Variants in HS6ST3 observed in about 807,000 individuals in gnomAD.
HS6ST3 encodes heparan-sulfate 6-O-sulfotransferase 3.
Under a neutral mutation model 36.7 loss-of-function variants are expected in HS6ST3, and 12 were observed. The ratio of observed to expected loss-of-function variants is 0.33; its 90% CI spans 0.21 to 0.53. The LOEUF (loss-of-function observed/expected upper bound fraction) is 0.53. Among genes scored for constraint, HS6ST3 ranks in the 20% least tolerant of loss-of-function variants. HS6ST3 has a pLI of 0.95. For missense variants in HS6ST3, 584 were observed against 640.9 expected, an observed-to-expected ratio of 0.91 and a Z score of 0.96; for synonymous variants, 240 against 257.5, an observed-to-expected ratio of 0.93 and a Z score of 0.65.
Position 96,170,786 on chromosome 13 carries a change from A to G in HS6ST3, c.707+79217A>G, listed in dbSNP as rs146064264. 9.2e-4 allele frequency among the ~76,000 whole-genome samples: 140 copies of G among 152,366 alleles called. 1 individual carries two copies. Among genetic ancestry groups the G allele is most frequent in the African/African-American group, 3.2e-3 (135 of 41,580 alleles). ...AAATGCTATTGGGTTGTGAAAGCTCAAAAACCAAAATGAAAAATTGGACAA... is the reference window on the plus strand; with the variant it reads ...AAATGCTATTGGGTTGTGAAAGCTCGAAAACCAAAATGAAAAATTGGACAA... On this transcript the variant is annotated intron_variant, in intron 1 of 1. Transcript: ENST00000376705.
At chr13:96,459,877 A>G (rs1256759225) in intron 1 of HS6ST3, among the ~76,000 whole-genome samples, 1 of 152,204 alleles carries the variant, frequency 6.6e-6, no homozygotes, top group East Asian at 1.9e-4. Flanking sequence ...ATATTTGTAG[A>G]CCACCATTTA....
At chr13:96,193,742 TA>T (rs1242458205) in intron 1 of HS6ST3, among the ~76,000 whole-genome samples, 1 of 152,212 alleles carries the variant, frequency 6.6e-6, no homozygotes, top group African/African-American at 2.4e-5. Flanking sequence ...GCTTTGATAA[TA>T]TTTGAATGTA....
chr13:96,585,374 G>A (rs887360232), intron 1 of HS6ST3, among the ~76,000 whole-genome samples: 4 of 152,024 alleles, frequency 2.6e-5, no homozygotes, highest in African/African-American at 9.7e-5. Flanking sequence ...AAAATTATAT[G>A]CATTTACTGA....
At chr13:96,286,865 T>C (rs2054806092) in intron 1 of HS6ST3, among the ~76,000 whole-genome samples, 1 of 152,118 alleles carries the variant, frequency 6.6e-6, no homozygotes, top group African/African-American at 2.4e-5. Context: ...AAGGTATAAT[T>C]AATAATTATG....
intron 1 of HS6ST3, among the ~76,000 whole-genome samples, chr13:96,170,255 G>A (rs2054181385): frequency 6.6e-6 from 1 of 152,206 alleles, no homozygotes; most frequent in African/African-American, 2.4e-5. Flanking sequence ...CACCAGGTGG[G>A]GAAGGTATTG....
intron 1 of HS6ST3, among the ~76,000 whole-genome samples, chr13:96,674,471 G>C (rs1239928777): frequency 6.6e-6 from 1 of 152,030 alleles, no homozygotes; most frequent in Non-Finnish European, 1.5e-5. Flanking sequence ...TTCTCAGAGA[G>C]GATTTAATCC....
intron 1 of HS6ST3, among the ~76,000 whole-genome samples, chr13:96,816,597 C>T (rs563027525): frequency 1.3e-5 from 2 of 152,298 alleles, no homozygotes; most frequent in South Asian, 2.1e-4. Flanking sequence ...GAGGGACAAT[C>T]GTGCTGCCCT....
chr13:96,601,724 C>T (rs180784295), intron 1 of HS6ST3, among the ~76,000 whole-genome samples: 1 of 152,090 alleles, frequency 6.6e-6, no homozygotes, highest in East Asian at 1.9e-4. Context: ...GGTTACTTCT[C>T]ATTTTGGTAG....
chr13:96,156,576 G>A (rs892764353), intron 1 of HS6ST3, among the ~76,000 whole-genome samples: 1 of 152,214 alleles, frequency 6.6e-6, no homozygotes, highest in Non-Finnish European at 1.5e-5. Context: ...ACTTAGGGCA[G>A]TGTCGGCCAC....
chr13:96,732,530 C>A (rs1440346020), intron 1 of HS6ST3, among the ~76,000 whole-genome samples: 1 of 151,904 alleles, frequency 6.6e-6, no homozygotes, highest in Admixed American at 6.6e-5. Flanking sequence ...ATGACAGTAC[C>A]ACCCTGTTTG....
At chr13:96,802,137 G>A (rs1317530517) in intron 1 of HS6ST3, among the ~76,000 whole-genome samples, 1 of 152,100 alleles carries the variant, frequency 6.6e-6, no homozygotes, top group Non-Finnish European at 1.5e-5. Flanking sequence ...AACATTCTCT[G>A]ACATCTCATT....
In HS6ST3 at chr13:96,625,912, C is replaced by A. The variant is rs548570365; in HGVS notation, c.708-206578C>A. Among the ~76,000 whole-genome samples, 98 of 151,852 alleles carry A rather than the reference C, an allele frequency of 6.5e-4. No homozygotes were observed. In the Middle Eastern group the frequency reaches 0.024, roughly 37 times the overall value. On this transcript the variant is annotated intron_variant, in intron 1 of 1. Coordinates refer to ENST00000376705, the MANE Select transcript of HS6ST3 (RefSeq NM_153456.4). ...CTGGAATCCAGTGGCGCGATCTCGG[C>A]TCACTGCAAGCTCCGCCTCCCAGGT...
At chr13:96,135,409 A>G (rs1452326015) in intron 1 of HS6ST3, among the ~76,000 whole-genome samples, 1 of 152,218 alleles carries the variant, frequency 6.6e-6, no homozygotes, top group African/African-American at 2.4e-5. Context: ...CTTTAAAAAT[A>G]GAATGGTGAG....
chr13:96,404,737 G>T (rs1452221197), intron 1 of HS6ST3, among the ~76,000 whole-genome samples: 1 of 152,156 alleles, frequency 6.6e-6, no homozygotes, highest in Non-Finnish European at 1.5e-5. Context: ...GTGAGCTGGG[G>T]GAAATTAGAT....
At chr13:96,497,785 C>T (rs549191838) in intron 1 of HS6ST3, among the ~76,000 whole-genome samples, 11 of 152,150 alleles carry the variant, frequency 7.2e-5, no homozygotes, top group African/African-American at 2.2e-4. Flanking sequence ...ATGTTGCTTC[C>T]TCTAATGACT....
chr13:96,307,506 T>G (rs900694002), intron 1 of HS6ST3, among the ~76,000 whole-genome samples: 6 of 152,104 alleles, frequency 3.9e-5, no homozygotes, highest in African/African-American at 1.4e-4. Flanking sequence ...GGTATATTTA[T>G]TAATATAATA....
At chr13:96,261,961 A>G (rs763645654) in intron 1 of HS6ST3, among the ~76,000 whole-genome samples, 4 of 152,228 alleles carry the variant, frequency 2.6e-5, no homozygotes, top group Non-Finnish European at 5.9e-5. Context: ...AGAAGGATCA[A>G]CCGCTTTTGT....
At chr13:96,432,541 C>T (rs2055620745) in intron 1 of HS6ST3, among the ~76,000 whole-genome samples, 1 of 152,114 alleles carries the variant, frequency 6.6e-6, no homozygotes, top group Non-Finnish European at 1.5e-5. Context: ...CATTTGTATT[C>T]TTCTCTGAAT....
At position 96,429,885 on chromosome 13, in the gene HS6ST3, A is replaced by G. The variant is rs12875619; in HGVS notation, c.707+338316A>G. Among the ~76,000 whole-genome samples, 90 of 152,346 alleles carry G rather than the reference A, an allele frequency of 5.9e-4. 1 individual carries two copies. The highest frequency in any genetic ancestry group is 1.5e-3 in the South Asian group (7 of 4,826). Reference sequence around the variant, plus strand: ...AAATTGTAGTTTATAAAATTCAGCTATGGTTAGCCACTGTGTGTTACTGGA... The same window carrying G: ...AAATTGTAGTTTATAAAATTCAGCTGTGGTTAGCCACTGTGTGTTACTGGA... On this transcript the variant is annotated intron_variant, in intron 1 of 1. Coordinates refer to ENST00000376705, the MANE Select transcript of HS6ST3 (RefSeq NM_153456.4).
Sources: gnomAD v4.1 joint callset for allele counts (sites outside exome capture counted in the v4.1 genomes callset) on GRCh38, gnomAD v4.1.1 for gene constraint, MANE v1.5 for transcripts, NCBI Gene and HGNC (gene_info 2026-07-23, HGNC 2026-07-21) for gene names.